The following KIAA0232 variants were observed in gnomAD, a reference collection of about 807,000 sequenced individuals.
The protein encoded by KIAA0232 is KIAA0232, also known as uncharacterized protein KIAA0232.
In KIAA0232, 27 loss-of-function variants were observed where a neutral mutation model predicts 122.0. The observed-to-expected ratio is 0.22, with a 90% CI of 0.16 to 0.31. The LOEUF is 0.31. KIAA0232 is among the 10% of genes least tolerant of loss of function. The probability of loss-of-function intolerance (pLI) is 1.00; values close to 1 mark genes in which losing one functional copy is unlikely to be tolerated. For synonymous variants in KIAA0232, 613 were observed against 587.6 expected (o/e 1.04, Z -0.63); for missense variants, 1,551 against 1,634.2 (o/e 0.95, Z 0.88).
At chr4:6,803,394 A>C (rs1473960316) in intron 1 of KIAA0232, among the ~76,000 whole-genome samples, 1 of 152,174 alleles carries the variant, frequency 6.6e-6, no homozygotes, top group Non-Finnish European at 1.5e-5. Flanking sequence ...TGAATGCCAA[A>C]CATTGAAACA....
At chr4:6,850,964 G>A (rs551798066) in intron 4 of KIAA0232, among the ~76,000 whole-genome samples, 5 of 152,244 alleles carry the variant, frequency 3.3e-5, no homozygotes, top group African/African-American at 9.6e-5. Context: ...CACCATGCTC[G>A]GCCGAAAGGA....
chr4:6,817,246 A>G (rs1281730337), intron 2 of KIAA0232, among the ~76,000 whole-genome samples: 2 of 152,256 alleles, frequency 1.3e-5, no homozygotes, highest in East Asian at 3.9e-4. Context: ...ATTTATATTC[A>G]GTTCAAAATA....
At chr4:6,827,775 G>A (rs987128411) in intron 3 of KIAA0232, among the ~76,000 whole-genome samples, 1 of 152,188 alleles carries the variant, frequency 6.6e-6, no homozygotes, top group African/African-American at 2.4e-5. Context: ...AAACACATTT[G>A]TGGTGGTGGG....
chr4:6,872,453 G>T (rs910014148), intron 8 of KIAA0232, among the ~76,000 whole-genome samples: 2 of 152,202 alleles, frequency 1.3e-5, no homozygotes, highest in Non-Finnish European at 2.9e-5. Flanking sequence ...CGGTGAGGAA[G>T]ATTTTAGTTT....
intron 9 of KIAA0232, among the ~76,000 whole-genome samples, chr4:6,878,505 G>A (rs929188623): frequency 5.3e-5 from 8 of 152,118 alleles, no homozygotes; most frequent in African/African-American, 1.2e-4. Flanking sequence ...ATGCACAAAC[G>A]TGTTTTTAAC....
At chr4:6,853,788 G>A (rs1426585063) in intron 4 of KIAA0232, among the ~76,000 whole-genome samples, 2 of 152,244 alleles carry the variant, frequency 1.3e-5, no homozygotes, top group Non-Finnish European at 1.5e-5. Context: ...AGGATGGGAA[G>A]TATGGAGAAG....
At chr4:6,877,202 C>T (rs1208426716) in intron 9 of KIAA0232, among the ~76,000 whole-genome samples, 3 of 152,162 alleles carry the variant, frequency 2.0e-5, no homozygotes, top group Middle Eastern at 3.2e-3. Flanking sequence ...TTCTGCAGAA[C>T]GATCCCGCCC....
chr4:6,798,846 C>T (rs182053425), intron 1 of KIAA0232, among the ~76,000 whole-genome samples: 2 of 152,314 alleles, frequency 1.3e-5, no homozygotes, highest in African/African-American at 4.8e-5. Context: ...GCCACCGTGC[C>T]CAGCTGCTGT....
At chr4:6,796,001 AGAG>A (rs1717118322) in intron 1 of KIAA0232, among the ~76,000 whole-genome samples, 1 of 152,194 alleles carries the variant, frequency 6.6e-6, no homozygotes, top group Admixed American at 6.5e-5. Flanking sequence ...AAAGCTGGGA[AGAG>A]GAGGAGCAGC....
intron 7 of KIAA0232, among the ~76,000 whole-genome samples, chr4:6,867,342 A>G (rs1424280172): frequency 1.3e-5 from 2 of 152,188 alleles, no homozygotes; most frequent in African/African-American, 4.8e-5. Flanking sequence ...AGGGCAGTCC[A>G]GGCAGAAGGA....
At chr4:6,845,883 A>G (rs780422298) in intron 4 of KIAA0232, among the ~76,000 whole-genome samples, 19 of 152,212 alleles carry the variant, frequency 1.2e-4, no homozygotes, top group Non-Finnish European at 1.9e-4. Context: ...ATTTGCGTGT[A>G]ATTCATGCTA....
intron 2 of KIAA0232, among the ~76,000 whole-genome samples, chr4:6,821,361 C>G (rs747871276): frequency 2.6e-5 from 4 of 152,060 alleles, no homozygotes; most frequent in Middle Eastern, 3.2e-3. Context: ...GTCTTTTTAT[C>G]TCTTACCCGT....
chr4:6,881,043 T>A lies in KIAA0232; in HGVS notation c.*77T>A. 1 of 1,050,172 alleles carries A rather than the reference T, an allele frequency of 9.5e-7. No individual in the cohort carries two copies. Among genetic ancestry groups the A allele is most frequent in the Non-Finnish European group, 1.3e-6 (1 of 785,532 alleles). The allele number at this position is 1,050,172 out of a possible 1,614,324, so 65.1% of individuals were successfully genotyped here. ...TACTCTTCAGTGAGACCTGTTAATC[T>A]AAAACAACAACTTAGGTTTCCTCTT... On this transcript the variant is annotated 3_prime_UTR_variant, in exon 10 of 10. Transcript: ENST00000307659.
intron 4 of KIAA0232, among the ~76,000 whole-genome samples, chr4:6,851,457 C>T (rs1720279480): frequency 6.6e-6 from 1 of 152,058 alleles, no homozygotes; most frequent in East Asian, 1.9e-4. Context: ...CCTGTAATCC[C>T]AGCACTTTGA....
chr4:6,788,286 G>A (rs535504741), intron 1 of KIAA0232, among the ~76,000 whole-genome samples: 1 of 152,136 alleles, frequency 6.6e-6, no homozygotes, highest in Non-Finnish European at 1.5e-5. Flanking sequence ...CGAAAGTGCC[G>A]AGATTATAAG....
chr4:6,868,910 A>G (rs1721322236), intron 7 of KIAA0232, among the ~76,000 whole-genome samples: 1 of 152,190 alleles, frequency 6.6e-6, no homozygotes, highest in Admixed American at 6.5e-5. Flanking sequence ...TATGGTAGAA[A>G]CTGGTGTGCC....
chr4:6,873,166 GCC>G lies in KIAA0232; in HGVS notation c.3910+1489_3910+1490del, dbSNP rs914294503. 9.0e-4 allele frequency among the ~76,000 whole-genome samples: 137 copies of G among 152,274 alleles called. 1 individual carries two copies. The Middle Eastern group carries it at 0.017, about 19-fold the overall frequency. ...AATTCCCACAAGAACCTTAGGAGATGCCCCCCGCTAGTTTTCAGATGAGGAAG... is the reference window on the plus strand; with the variant it reads ...AATTCCCACAAGAACCTTAGGAGATGCCCCGCTAGTTTTCAGATGAGGAAG... On this transcript the variant is annotated intron_variant, in intron 8 of 9. Transcript: ENST00000307659.
chr4:6,809,652 C>T (rs1717788114), intron 2 of KIAA0232, among the ~76,000 whole-genome samples: 1 of 151,712 alleles, frequency 6.6e-6, no homozygotes, highest in South Asian at 2.1e-4. Context: ...TCCCTGTTTG[C>T]CAATAATATG....
intron 8 of KIAA0232, among the ~76,000 whole-genome samples, chr4:6,875,803 A>T (rs1721719540): frequency 6.6e-6 from 1 of 152,172 alleles, no homozygotes. Flanking sequence ...TTTACTCTGC[A>T]CTGTGCCTCT....
Sources: allele counts gnomAD v4.1 joint callset (sites outside exome capture counted in the v4.1 genomes callset), GRCh38; gene constraint gnomAD v4.1.1; transcripts MANE v1.5; gene names NCBI Gene and HGNC (gene_info 2026-07-23, HGNC 2026-07-21).